Variants in OGA observed in about 807,000 individuals in gnomAD.
OGA encodes the protein protein O-GlcNAcase.
Under a neutral mutation model 102.0 loss-of-function variants are expected in OGA, and 21 were observed. The ratio of observed to expected loss-of-function variants is 0.21; its 90% CI spans 0.15 to 0.30. The LOEUF (loss-of-function observed/expected upper bound fraction) is 0.30, where lower values mean the gene tolerates loss of function less well. Among genes scored for constraint, OGA ranks in the 10% least tolerant of loss-of-function variants. The pLI, the probability that OGA is intolerant of heterozygous loss-of-function variation, is 1.00. For missense variants in OGA, 765 were observed against 1,107.8 expected (o/e 0.69, Z 4.39); for synonymous variants, 408 against 378.2 (o/e 1.08, Z -0.91).
chr10:101,807,880 A>G lies in OGA; in HGVS notation c.502T>C (p.Ser168Pro), dbSNP rs748170475. 6.4e-7 allele frequency: 1 copy of G among 1,563,834 alleles called. No homozygotes were observed. The highest frequency in any genetic ancestry group is 8.6e-7 in the Non-Finnish European group (1 of 1,159,304). The change falls in exon 5 of 16, where the codon TCA (serine) becomes CCA (proline). Residue 168 changes from serine to proline, a missense_variant. By Grantham distance (74) the Ser-to-Pro change is moderately conservative. Transcript: ENST00000361464. ...ATATCATCAAAAAGCAAAGCAAATGATCTGCACCCAAACTGAGAAACCTAG... is the reference window on the plus strand; with the variant it reads ...ATATCATCAAAAAGCAAAGCAAATGGTCTGCACCCAAACTGAGAAACCTAG... ...LDQVSQFGCR[S>P]FALLFDDIDH...
At chr10:101,794,546 T>C (rs1353546797) in intron 10 of OGA, among the ~76,000 whole-genome samples, 1 of 152,026 alleles carries the variant, frequency 6.6e-6, no homozygotes, top group Non-Finnish European at 1.5e-5. Flanking sequence ...ATGAGAAAAA[T>C]TTTTTTGGAC....
intron 5 of OGA, among the ~76,000 whole-genome samples, chr10:101,807,264 A>T (rs766462557): frequency 4.6e-5 from 7 of 152,216 alleles, no homozygotes; most frequent in Non-Finnish European, 7.3e-5. Flanking sequence ...AAGAAACCAG[A>T]GGGGCAAAAA....
intron 1 of OGA, among the ~76,000 whole-genome samples, chr10:101,815,086 C>T (rs1441110094): frequency 6.6e-6 from 1 of 152,132 alleles, no homozygotes; most frequent in Non-Finnish European, 1.5e-5. Context: ...TAAACCCACA[C>T]AATCTACATA....
chr10:101,794,102 A>C, intron 10 of OGA, 104 bp from the exon 11 acceptor site: 1 of 752,586 alleles, frequency 1.3e-6, no homozygotes, highest in Non-Finnish European at 2.3e-6. Context: ...TAACTCTCTA[A>C]CAATAATCAG....
chr10:101,790,450 T>C (rs1589823485), intron 14 of OGA, among the ~76,000 whole-genome samples: 1 of 152,122 alleles, frequency 6.6e-6, no homozygotes, highest in South Asian at 2.1e-4. Flanking sequence ...TTTTTTTTTG[T>C]ATTTTTAGTA....
intron 14 of OGA, among the ~76,000 whole-genome samples, chr10:101,788,563 C>A (rs1203737214): frequency 6.6e-6 from 1 of 151,584 alleles, no homozygotes; most frequent in Non-Finnish European, 1.5e-5. Flanking sequence ...CGTGAAACCC[C>A]GTATCTAGTA....
rs767894914 is a variant in OGA, at chr10:101,817,894, G to T, written c.129C>A (p.Ala43=). The T allele has an allele frequency of 5.8e-6, 9 of 1,560,240 alleles. No individual in the cohort carries two copies. The change falls in exon 1 of 16, where the codon GCC becomes GCA. Residue 43 remains alanine (A), a synonymous_variant. Transcript: ENST00000361464. ...AAPAPGEDNP[A]GAGGAAVAGA... The stretch of plus-strand genomic sequence containing the variant: ...CGGCCACCGCCGCTCCCCCAGCCCC[G>T]GCGGGGTTGTCTTCTCCGGGTGCCG...
intron 4 of OGA, among the ~76,000 whole-genome samples, chr10:101,809,444 A>G (rs2065520449): frequency 6.6e-6 from 1 of 152,192 alleles, no homozygotes; most frequent in African/African-American, 2.4e-5. Context: ...GGCTGGGTGC[A>G]CTGGCGCACG....
At position 101,797,977 on chromosome 10, in the gene OGA, T is replaced by C. The variant is rs371919765; in HGVS notation, c.1984+3A>G. On this transcript the variant is annotated splice_donor_region_variant and intron_variant, in intron 10 of 15. Transcript: ENST00000361464. ...GAGAAGAGATTATTCCTGGTGCACC[T>C]ACCTAACCACTGTACAAAAGACTTC... 3 of 1,610,512 alleles carry C rather than the reference T, an allele frequency of 1.9e-6. No homozygotes were observed. Among genetic ancestry groups the C allele is most frequent in the Middle Eastern group, 1.9e-4 (1 of 5,290 alleles).
intron 4 of OGA, 102 bp from the exon 5 acceptor site, chr10:101,808,003 G>T: frequency 1.0e-6 from 1 of 958,306 alleles, no homozygotes; most frequent in Non-Finnish European, 1.4e-6. Flanking sequence ...TTCCTTACTA[G>T]AATGTTCAAA....
chr10:101,812,334 G>T (rs866547167), intron 3 of OGA, among the ~76,000 whole-genome samples: 5 of 152,144 alleles, frequency 3.3e-5, no homozygotes, highest in Admixed American at 1.3e-4. Context: ...TTGAACTCGG[G>T]AGGGCGAGGT....
intron 14 of OGA, among the ~76,000 whole-genome samples, chr10:101,789,489 ACT>A (rs1315465796): frequency 6.6e-6 from 1 of 151,838 alleles, no homozygotes; most frequent in Non-Finnish European, 1.5e-5. Flanking sequence ...CAAGAGCAAG[ACT>A]CTGTCTCAAA....
Position 101,785,139 on chromosome 10 carries a change from T to G in OGA, c.*1312A>C, listed in dbSNP as rs2065179806. On this transcript the variant is annotated 3_prime_UTR_variant, in exon 16 of 16. Coordinates refer to ENST00000361464, the MANE Select transcript of OGA (RefSeq NM_012215.5). ...ACAGAGAAGCAAGATAACAAAATACTGTTATCAATCTATGGAGAAATCAGC... is the reference window on the plus strand; with the variant it reads ...ACAGAGAAGCAAGATAACAAAATACGGTTATCAATCTATGGAGAAATCAGC... The G allele has an allele frequency of 6.6e-6, 1 of 152,168 alleles. No individual in the cohort carries two copies. Among genetic ancestry groups the G allele is most frequent in the African/African-American group, 2.4e-5 (1 of 41,428 alleles). 9.4% of individuals were successfully genotyped at this position (152,168 alleles called of 1,614,324 possible).
At chr10:101,793,294 A>T (rs1351947486) in intron 11 of OGA, among the ~76,000 whole-genome samples, 3 of 152,226 alleles carry the variant, frequency 2.0e-5, no homozygotes, top group African/African-American at 7.2e-5. Flanking sequence ...AAGATGGCAG[A>T]ACAGAATGTC....
Position 101,786,421 on chromosome 10 carries a change from CTT to C in OGA, c.*28_*29del. On this transcript the variant is annotated 3_prime_UTR_variant, in exon 16 of 16. Coordinates refer to ENST00000361464, the MANE Select transcript of OGA (RefSeq NM_012215.5). ...CCATTCACAAGGTGCAGTTAAGAGACTTTTGGACAGTTCACAGTGTCAACAAA... is the reference window on the plus strand; with the variant it reads ...CCATTCACAAGGTGCAGTTAAGAGACTTGGACAGTTCACAGTGTCAACAAA... The C allele has an allele frequency of 6.3e-6, 10 of 1,576,038 alleles. No homozygotes were observed. The highest frequency in any genetic ancestry group is 7.7e-6 in the Non-Finnish European group (9 of 1,163,306).
intron 5 of OGA, among the ~76,000 whole-genome samples, chr10:101,806,600 TTCC>T (rs1348400518): frequency 6.6e-6 from 1 of 152,214 alleles, no homozygotes; most frequent in Non-Finnish European, 1.5e-5. Flanking sequence ...TCTGGTATTT[TTCC>T]TCCAACAGTA....
At chr10:101,788,130 T>TATA (rs2065213509) in intron 14 of OGA, among the ~76,000 whole-genome samples, 1 of 106,708 alleles carries the variant, frequency 9.4e-6, no homozygotes. Flanking sequence ...GACTCTGTCT[T>TATA]AAAAAAAAAA....
At chr10:101,793,189 T>TAAAAAC (rs554456813) in intron 11 of OGA, among the ~76,000 whole-genome samples, 5 of 152,164 alleles carry the variant, frequency 3.3e-5, no homozygotes, top group South Asian at 4.1e-4. Flanking sequence ...AAATTTACAG[T>TAAAAAC]AAAAACAAAA....
chr10:101,815,822 A>G (rs1417897129), intron 1 of OGA, among the ~76,000 whole-genome samples: 1 of 152,060 alleles, frequency 6.6e-6, no homozygotes, highest in African/African-American at 2.4e-5. Flanking sequence ...ACAAAGAGGA[A>G]GCAATGCTGT....
Sources: allele counts gnomAD v4.1 joint callset (sites outside exome capture counted in the v4.1 genomes callset), GRCh38; gene constraint gnomAD v4.1.1; transcripts MANE v1.5; gene names NCBI Gene and HGNC (gene_info 2026-07-23, HGNC 2026-07-21).